Variants in DPP8 observed in about 807,000 individuals in gnomAD.
DPP8 encodes dipeptidyl peptidase 8.
DPP8 carries 31 observed loss-of-function variants against 107.5 expected under a neutral mutation model. The observed-to-expected ratio is 0.29, with a 90% CI of 0.22 to 0.39. The LOEUF (loss-of-function observed/expected upper bound fraction) is 0.39. Ranked by LOEUF, DPP8 falls within the 10% of genes least tolerant of loss-of-function variation. The probability of loss-of-function intolerance (pLI) is 1.00; values close to 1 mark genes in which losing one functional copy is unlikely to be tolerated. For synonymous variants in DPP8, 381 were observed against 356.6 expected (o/e 1.07, Z -0.77); for missense variants, 842 against 1,076.1 (o/e 0.78, Z 3.04).
chr15:65,498,278 T>C (rs1222822907), intron 4 of DPP8, among the ~76,000 whole-genome samples: 1 of 151,920 alleles, frequency 6.6e-6, no homozygotes, highest in Non-Finnish European at 1.5e-5. Flanking sequence ...AAAAATTAGC[T>C]GGGCATAGTG....
chr15:65,483,375 A>G (rs72739495), intron 8 of DPP8, among the ~76,000 whole-genome samples: 30,775 of 151,724 alleles, frequency 0.2, 3,473 homozygotes, highest in African/African-American at 0.3. Context: ...AAATAAAATT[A>G]GCGGGGCATG....
At chr15:65,456,740 C>T (rs951534333) in intron 15 of DPP8, among the ~76,000 whole-genome samples, 1 of 152,180 alleles carries the variant, frequency 6.6e-6, no homozygotes, top group Non-Finnish European at 1.5e-5. Flanking sequence ...CCCCATCAGA[C>T]ATCAGATATG....
rs960638455 is a variant in DPP8, at chr15:65,446,801, T to A, written c.*83A>T. 21 of 1,373,288 alleles carry A rather than the reference T, an allele frequency of 1.5e-5. No homozygotes were observed. The highest frequency in any genetic ancestry group is 1.8e-5 in the Non-Finnish European group (18 of 1,019,834). 85.1% of individuals were successfully genotyped at this position (1,373,288 alleles called of 1,614,324 possible). ...CATGGCAGGTATCAAAATGTGATGA[T>A]CAATTCTGTGTTTTCTGTTGATTAA... On this transcript the variant is annotated 3_prime_UTR_variant, in exon 20 of 20. Transcript: ENST00000300141.
At chr15:65,476,412 G>A (rs2066395445) in intron 11 of DPP8, among the ~76,000 whole-genome samples, 1 of 152,100 alleles carries the variant, frequency 6.6e-6, no homozygotes, top group Non-Finnish European at 1.5e-5. Context: ...AGAAAGCAAA[G>A]AGGAGGGAGA....
intron 12 of DPP8, among the ~76,000 whole-genome samples, chr15:65,473,010 C>T (rs779012003): frequency 6.6e-6 from 1 of 151,908 alleles, no homozygotes; most frequent in Non-Finnish European, 1.5e-5. Flanking sequence ...TGCAATCCAG[C>T]CTAGGCGACA....
At chr15:65,486,661 G>A (rs2067472174) in intron 7 of DPP8, among the ~76,000 whole-genome samples, 1 of 151,972 alleles carries the variant, frequency 6.6e-6, no homozygotes, top group Non-Finnish European at 1.5e-5. Context: ...CCATAAAAAG[G>A]AACAAAATAA....
Position 65,493,090 on chromosome 15 carries a change from CTCT to C in DPP8, c.716-2794_716-2792del, listed in dbSNP as rs1301199936. Among the ~76,000 whole-genome samples the C allele has an allele frequency of 4.6e-5, 7 of 151,858 alleles. 1 individual carries two copies. Among genetic ancestry groups the C allele is most frequent in the Admixed American group, 3.9e-4 (6 of 15,208 alleles). ...TTCCTTTTCTGTTTTCTTTCTTTCT[CTCT>C]TTTTTTTTAGACGGAGTTTTGCTCT... On this transcript the variant is annotated intron_variant, in intron 5 of 19. Transcript: ENST00000300141.
intron 5 of DPP8, among the ~76,000 whole-genome samples, chr15:65,497,092 G>A (rs8034057): frequency 0.12 from 17,696 of 151,892 alleles, 1,323 homozygotes; most frequent in African/African-American, 0.21. Context: ...GTTTCATCAC[G>A]TTGGCCAGAC....
intron 12 of DPP8, among the ~76,000 whole-genome samples, chr15:65,471,669 G>T (rs1180515937): frequency 6.6e-6 from 1 of 151,816 alleles, no homozygotes; most frequent in African/African-American, 2.4e-5. Flanking sequence ...AATTTTTTTT[G>T]CAGAGACGGA....
In DPP8 at chr15:65,458,264, C is replaced by G. The variant is rs190436425; in HGVS notation, c.1972-1893G>C. 1.2e-3 allele frequency among the ~76,000 whole-genome samples: 189 copies of G among 151,858 alleles called. 5 individuals carry two copies. The highest frequency in any genetic ancestry group is 4.2e-3 in the African/African-American group (175 of 41,426). The stretch of plus-strand genomic sequence containing the variant: ...GAAACATAAGTATTTGTTACACAAA[C>G]TTTTTTTGTTTTTTGAAATGTAGTC... On this transcript the variant is annotated intron_variant, in intron 15 of 19. Transcript: ENST00000300141.
intron 1 of DPP8, chr15:65,516,226 T>C (rs182706090): frequency 2.5e-5 from 4 of 157,200 alleles, no homozygotes; most frequent in African/African-American, 9.6e-5. Flanking sequence ...TAGAATTAAC[T>C]CAGGAGGATA....
rs764574499 is a variant in DPP8, at chr15:65,491,160, CAAAAAAAAAAA to C, written c.716-872_716-862del. 5.5e-5 allele frequency among the ~76,000 whole-genome samples: 3 copies of C among 55,022 alleles called. No homozygotes were observed. In the Admixed American group the frequency reaches 6.4e-4, roughly 12 times the overall value. The allele number at this position is 55,022 out of a possible 152,430, so 36.1% of individuals were successfully genotyped here. A position where few individuals can be genotyped will look rare whatever the true frequency, so the allele number is the denominator to read the frequency against. On this transcript the variant is annotated intron_variant, in intron 5 of 19. Coordinates refer to ENST00000300141, the MANE Select transcript of DPP8 (RefSeq NM_130434.5). Reference sequence around the variant, plus strand: ...TGGGTGACAGAACAAGACTCCGTCTCAAAAAAAAAAAAAAAAAAAAAAGATTTTGTGTCATG... The same window carrying C: ...TGGGTGACAGAACAAGACTCCGTCTCAAAAAAAAAAAGATTTTGTGTCATG...
intron 1 of DPP8, chr15:65,516,009 A>C: frequency 2.4e-6 from 1 of 424,634 alleles, no homozygotes; most frequent in Non-Finnish European, 4.1e-6. Flanking sequence ...TATAGTCAAA[A>C]GAATATCCTA....
intron 5 of DPP8, among the ~76,000 whole-genome samples, chr15:65,497,427 T>C (rs937617954): frequency 1.3e-5 from 2 of 152,078 alleles, no homozygotes; most frequent in African/African-American, 4.8e-5. Flanking sequence ...TAATTTTTTG[T>C]ATTTTTTTGT....
chr15:65,513,688 C>G (rs1210454595), intron 1 of DPP8, among the ~76,000 whole-genome samples: 2 of 152,080 alleles, frequency 1.3e-5, no homozygotes, highest in Admixed American at 6.6e-5. Context: ...AAAGTATAAA[C>G]TGGGGTTTAC....
intron 4 of DPP8, among the ~76,000 whole-genome samples, chr15:65,499,987 C>G (rs972707495): frequency 6.6e-6 from 1 of 152,126 alleles, no homozygotes; most frequent in South Asian, 2.1e-4. Flanking sequence ...AGCTTGACCT[C>G]CAGGTTCAAG....
intron 4 of DPP8, among the ~76,000 whole-genome samples, chr15:65,500,068 T>C (rs2140989873): frequency 6.6e-6 from 1 of 152,220 alleles, no homozygotes; most frequent in Middle Eastern, 3.4e-3. Flanking sequence ...GCTAAGTTTT[T>C]TTAAATTTTT....
chr15:65,507,056 G>C (rs2070121471), intron 3 of DPP8, among the ~76,000 whole-genome samples, 187 bp downstream of exon 3: 1 of 152,058 alleles, frequency 6.6e-6, no homozygotes, highest in African/African-American at 2.4e-5. Flanking sequence ...TTAAAAAATT[G>C]AATTTTATTA....
chr15:65,492,823 C>G (rs1567244386), intron 5 of DPP8, among the ~76,000 whole-genome samples: 1 of 151,976 alleles, frequency 6.6e-6, no homozygotes, highest in African/African-American at 2.4e-5. Context: ...GTCTCAAACC[C>G]CTGAGCTCAA....
Sources: allele counts gnomAD v4.1 joint callset (sites outside exome capture counted in the v4.1 genomes callset), GRCh38; gene constraint gnomAD v4.1.1; transcripts MANE v1.5; gene names NCBI Gene and HGNC (gene_info 2026-07-23, HGNC 2026-07-21).